ABLIM2: variants seen among roughly 807,000 people sequenced by gnomAD.
The protein encoded by ABLIM2 is actin binding LIM protein family member 2.
In ABLIM2, 53 loss-of-function variants were observed where a neutral mutation model predicts 97.7. The ratio of observed to expected loss-of-function variants is 0.54; its 90% CI spans 0.44 to 0.68. The LOEUF (loss-of-function observed/expected upper bound fraction) is 0.68. Among genes scored for constraint, ABLIM2 ranks in the 30% least tolerant of loss-of-function variants. The pLI, the probability that ABLIM2 is intolerant of heterozygous loss-of-function variation, is 0.00. For missense variants in ABLIM2, 835 were observed against 867.2 expected, an observed-to-expected ratio of 0.96 and a Z score of 0.47; for synonymous variants, 361 against 345.8, an observed-to-expected ratio of 1.04 and a Z score of -0.49.
In ABLIM2 at chr4:8,044,576, C is replaced by T. The variant is rs1790913826; in HGVS notation, c.900+588G>A. Among the ~76,000 whole-genome samples the T allele has an allele frequency of 6.6e-6, 1 of 151,484 alleles. No individual in the cohort carries two copies. The highest frequency in any genetic ancestry group is 1.5e-5 in the Non-Finnish European group (1 of 67,972). ...ACCCAGAGGAAATTTCTGGTAACAA[C>T]TTGTTAAAATGTTTTCAATCATTTT... On this transcript the variant is annotated intron_variant, in intron 9 of 20. Coordinates refer to ENST00000447017, the MANE Select transcript of ABLIM2 (RefSeq NM_001130083.2). This position sits in a 1 kb window ranked among gnomAD's most constrained non-coding sequence, Gnocchi z 4.4.
At chr4:7,983,594 A>T in intron 18 of ABLIM2, 40 bp from the exon 19 acceptor site, 2 of 1,610,106 alleles carry the variant, frequency 1.2e-6, no homozygotes, top group Non-Finnish European at 1.7e-6. Context: ...AATGGTTTAG[A>T]AAGTGCAAGA....
chr4:7,991,395 G>T lies in ABLIM2; in HGVS notation c.1680+1471C>A, dbSNP rs115803173. On this transcript the variant is annotated intron_variant, in intron 17 of 20. Transcript: ENST00000447017. Reference sequence around the variant, plus strand: ...CTCACTCGGATGGTGGAACACCTTGGCTTGGTCGGACTGTGAACACTGTGC... The same window carrying T: ...CTCACTCGGATGGTGGAACACCTTGTCTTGGTCGGACTGTGAACACTGTGC... 2.2e-3 allele frequency among the ~76,000 whole-genome samples: 299 copies of T among 134,452 alleles called. 2 individuals carry two copies. Among genetic ancestry groups the T allele is most frequent in the African/African-American group, 8.4e-3 (286 of 33,942 alleles). 88.2% of individuals were successfully genotyped at this position (134,452 alleles called of 152,430 possible).
intron 1 of ABLIM2, among the ~76,000 whole-genome samples, chr4:8,134,791 C>T (rs1241680924): frequency 6.6e-6 from 1 of 152,242 alleles, no homozygotes; most frequent in Non-Finnish European, 1.5e-5. Context: ...CAAATCAGGA[C>T]AGCCACTGGG....
intron 16 of ABLIM2, among the ~76,000 whole-genome samples, chr4:8,006,259 G>A (rs1202891201): frequency 2.6e-5 from 4 of 152,178 alleles, no homozygotes; most frequent in South Asian, 2.1e-4. Context: ...TCTCTAGTCC[G>A]GCTTCTCCCA....
At chr4:8,084,466 A>G (rs1280510852) in intron 4 of ABLIM2, among the ~76,000 whole-genome samples, 1 of 152,166 alleles carries the variant, frequency 6.6e-6, no homozygotes, top group Admixed American at 6.5e-5. Flanking sequence ...CCCTCTTAGC[A>G]CTACCCTTGC....
rs138507004 is a variant in ABLIM2 at position 8,127,873 on chromosome 4, G to A, written c.11-21236C>T. ...GGGTGGGGGAGGAGTGGTGGGGGTG[G>A]GGAGCATCTGCTGACCCTTCCTCCA... On this transcript the variant is annotated intron_variant, in intron 1 of 20. Transcript: ENST00000447017. The surrounding 1 kb of genome is among the most constrained non-coding windows in gnomAD (Gnocchi z 7.3). Among the ~76,000 whole-genome samples the A allele has an allele frequency of 1.3e-5, 2 of 152,172 alleles. No homozygotes were observed. The highest frequency in any genetic ancestry group is 2.9e-5 in the Non-Finnish European group (2 of 68,002).
At chr4:8,006,763 G>A (rs951950196) in intron 16 of ABLIM2, among the ~76,000 whole-genome samples, 3 of 152,196 alleles carry the variant, frequency 2.0e-5, no homozygotes, top group African/African-American at 7.2e-5. Context: ...AGGCAGGCGC[G>A]CGTGGACCAG....
chr4:8,037,645 A>AC (rs1785431974), intron 9 of ABLIM2, among the ~76,000 whole-genome samples: 1 of 151,442 alleles, frequency 6.6e-6, no homozygotes, highest in South Asian at 2.1e-4. Context: ...GCACACAATC[A>AC]CCCCACCCCT....
chr4:8,052,941 G>A (rs955360965), intron 8 of ABLIM2, among the ~76,000 whole-genome samples: 2 of 152,244 alleles, frequency 1.3e-5, no homozygotes, highest in Non-Finnish European at 2.9e-5. Context: ...GGGAGGCCAG[G>A]GGTTGCTGAG....
At chr4:8,059,668 G>A (rs888094002) in intron 7 of ABLIM2, among the ~76,000 whole-genome samples, 1 of 152,054 alleles carries the variant, frequency 6.6e-6, no homozygotes, top group East Asian at 1.9e-4. Context: ...TTGGGAGGCC[G>A]AGGCGGGCAG....
At chr4:8,106,916 G>A (rs937348296) in intron 1 of ABLIM2, among the ~76,000 whole-genome samples, 2 of 152,200 alleles carry the variant, frequency 1.3e-5, no homozygotes, top group Non-Finnish European at 2.9e-5. Flanking sequence ...GGAGGGGCCC[G>A]TGCTTCTCAT....
At chr4:8,153,527 G>T (rs755579430) in intron 1 of ABLIM2, among the ~76,000 whole-genome samples, 1 of 152,188 alleles carries the variant, frequency 6.6e-6, no homozygotes, top group East Asian at 1.9e-4. Flanking sequence ...GGGTCAGGGG[G>T]GTCTGGCTTC....
intron 1 of ABLIM2, among the ~76,000 whole-genome samples, chr4:8,139,921 A>G (rs1850710787): frequency 6.6e-6 from 1 of 152,158 alleles, no homozygotes; most frequent in Admixed American, 6.5e-5. Context: ...CTATGCAGCC[A>G]TAAAAAAGGA....
rs951059920 is a variant in ABLIM2 at position 8,149,997 on chromosome 4, C to T, written c.10+8683G>A. 5.3e-5 allele frequency among the ~76,000 whole-genome samples: 8 copies of T among 152,056 alleles called. No homozygotes were observed. The highest frequency in any genetic ancestry group is 2.6e-4 in the Admixed American group (4 of 15,272). The stretch of plus-strand genomic sequence containing the variant: ...CCCCTTACCCTCCTCACACCTCCCT[C>T]GTGCTTCCTGGGGTCACCTCCTAGG... On this transcript the variant is annotated intron_variant, in intron 1 of 20. Transcript: ENST00000447017. This position sits in a 1 kb window ranked among gnomAD's most constrained non-coding sequence, Gnocchi z 6.4.
intron 3 of ABLIM2, among the ~76,000 whole-genome samples, chr4:8,096,495 T>A (rs1831641139): frequency 6.6e-6 from 1 of 152,162 alleles, no homozygotes; most frequent in Non-Finnish European, 1.5e-5. Context: ...CTTGTCATCG[T>A]CACCTCCTGT....
At chr4:8,135,282 T>G (rs1850025878) in intron 1 of ABLIM2, among the ~76,000 whole-genome samples, 1 of 152,190 alleles carries the variant, frequency 6.6e-6, no homozygotes, top group African/African-American at 2.4e-5. Flanking sequence ...AACAGACAAC[T>G]AGGGGTAACC....
Position 8,088,224 on chromosome 4 carries a change from CT to C in ABLIM2, c.398del (p.Lys133SerfsTer35). ...TGCCCACCGATACGGGCAGGGAACA[CT>C]TCTGGCACATGCATTCCTTCCCGTT... ...TFNGKECMCQ[K>X]CSLPVSVGSS... On this transcript the variant is annotated frameshift_variant, in exon 4 of 21. Transcript: ENST00000447017. LOFTEE classifies it high-confidence loss of function. 6.2e-7 allele frequency: 1 copy of C among 1,613,138 alleles called. No homozygotes were observed. The highest frequency in any genetic ancestry group is 1.1e-5 in the South Asian group (1 of 90,974).
rs1284737097 is a variant in ABLIM2, at chr4:8,032,332, A to T, written c.1048-2556T>A. ...GGGGCAGGAGGCAGGAAGCGCTCCC[A>T]GGCTCAGCCAGGATCCTGAATTTTC... On this transcript the variant is annotated intron_variant, in intron 10 of 20. Coordinates refer to ENST00000447017, the MANE Select transcript of ABLIM2 (RefSeq NM_001130083.2). The surrounding 1 kb of genome is among the most constrained non-coding windows in gnomAD (Gnocchi z 4.3). Among the ~76,000 whole-genome samples, 1 of 152,178 alleles carries T rather than the reference A, an allele frequency of 6.6e-6. No individual in the cohort carries two copies. Among genetic ancestry groups the T allele is most frequent in the African/African-American group, 2.4e-5 (1 of 41,444 alleles).
intron 18 of ABLIM2, among the ~76,000 whole-genome samples, chr4:7,983,928 T>A (rs921480748): frequency 6.6e-6 from 1 of 152,228 alleles, no homozygotes; most frequent in South Asian, 2.1e-4. Context: ...TTAGAGGGTG[T>A]TGTGGAGACT....
Sources: gnomAD v4.1 joint callset for allele counts (sites outside exome capture counted in the v4.1 genomes callset) on GRCh38, gnomAD v4.1.1 for gene constraint, Gnocchi (gnomAD v3.1) non-coding constraint, MANE v1.5 for transcripts, NCBI Gene and HGNC (gene_info 2026-07-23, HGNC 2026-07-21) for gene names.